The following MUC4 variants were observed in gnomAD, a reference collection of about 807,000 sequenced individuals.
MUC4 encodes the protein mucin 4, cell surface associated, also known as mucin-4.
A neutral mutation model predicts 257.9 loss-of-function variants in MUC4; 202 were observed. The ratio of observed to expected loss-of-function variants is 0.78; its 90% CI spans 0.70 to 0.88. The LOEUF is 0.88. Among genes scored for constraint, MUC4 ranks in the 40% least tolerant of loss-of-function variants. The pLI is 0.00. For synonymous variants in MUC4, 2,351 were observed against 2,757.1 expected, an observed-to-expected ratio of 0.85 and a Z score of 4.62; for missense variants, 5,976 against 6,513.7, an observed-to-expected ratio of 0.92 and a Z score of 2.84.
At chr3:195,804,589 G>A (rs978529748) in intron 1 of MUC4, among the ~76,000 whole-genome samples, 9 of 152,228 alleles carry the variant, frequency 5.9e-5, no homozygotes, top group African/African-American at 1.7e-4. Context: ...AAGCCGTATC[G>A]CCACAGTGTT....
chr3:195,795,364 A>G (rs1398733736), intron 1 of MUC4, among the ~76,000 whole-genome samples: 3 of 152,158 alleles, frequency 2.0e-5, no homozygotes, highest in African/African-American at 4.8e-5. Flanking sequence ...TTTAAAGTAA[A>G]GATTTTTGTA....
chr3:195,751,073 G>A lies in MUC4; in HGVS notation c.15687C>T (p.His5229=), dbSNP rs1288948309. 1.3e-6 allele frequency: 2 copies of A among 1,593,176 alleles called. No individual in the cohort carries two copies. Among genetic ancestry groups the A allele is most frequent in the Non-Finnish European group, 1.7e-6 (2 of 1,167,604 alleles). ...ACTGGAACTCCGAGATGACCATCCA[G>A]TGTTGGATGGGGCTTCCCGAGGCCG... ...AAPASGSPIQ[H]WMVISEFQYR... The change falls in exon 23 of 25, where the codon CAC becomes CAT. Residue 5229 remains histidine (H), a synonymous_variant. Transcript: ENST00000463781.
chr3:195,801,295 C>T (rs866518093), intron 1 of MUC4, among the ~76,000 whole-genome samples: 7 of 152,112 alleles, frequency 4.6e-5, no homozygotes, highest in Non-Finnish European at 8.8e-5. Context: ...GGGAGATTTG[C>T]GCCTAAAGAG....
At chr3:195,801,650 T>G (rs1314466648) in intron 1 of MUC4, among the ~76,000 whole-genome samples, 1 of 152,234 alleles carries the variant, frequency 6.6e-6, no homozygotes, top group East Asian at 1.9e-4. Context: ...CACGCACTGC[T>G]CGCTCTGCCC....
chr3:195,747,591 G>A (rs1452981219), intron 24 of MUC4, among the ~76,000 whole-genome samples: 1 of 152,286 alleles, frequency 6.6e-6, no homozygotes, highest in African/African-American at 2.4e-5. Flanking sequence ...CTGGGCCGGC[G>A]CGGGGGCTCA....
At position 195,781,651 on chromosome 3, in the gene MUC4, G is replaced by A. The variant is rs1447050979; in HGVS notation, c.9929C>T (p.Ala3310Val). Residue 3310 changes from alanine (A) to valine (V), a missense_variant, in exon 2 of 25, where the codon GCC (alanine) becomes GTC (valine). Ala to Val is a moderately conservative substitution (Grantham distance 64). Coordinates refer to ENST00000463781, the MANE Select transcript of MUC4 (RefSeq NM_018406.7). ...AGCGTCGGTGACAAGAAGAGGAGTG[G>A]CGTGACCTGTGGATACTGAGGAAGT... The part of the protein sequence containing the change: ...TETSSVSTGH[A>V]TPLLVTDASS... 2.2e-6 allele frequency: 1 copy of A among 445,976 alleles called. No individual in the cohort carries two copies. Among genetic ancestry groups the A allele is most frequent in the Non-Finnish European group, 3.1e-6 (1 of 320,210 alleles). The allele number at this position is 445,976 out of a possible 1,614,324, so 27.6% of individuals were successfully genotyped here.
In MUC4 at chr3:195,781,010, T is replaced by G. The variant is rs773852351; in HGVS notation, c.10570A>C (p.Thr3524Pro). ...STGHATPLPVTDTSSVSTGHA... is the reference protein window; with the variant it reads ...STGHATPLPVPDTSSVSTGHA... ...CCGGTGGATACTGAGGAAGTGTCGGTGACAGGAAGAGGGGTGGCGTGACCG... is the reference window on the plus strand; with the variant it reads ...CCGGTGGATACTGAGGAAGTGTCGGGGACAGGAAGAGGGGTGGCGTGACCG... Residue 3524 changes from threonine (T) to proline (P), a missense_variant, in exon 2 of 25, where the codon ACC becomes CCC. Around this residue, in one of 44 missense-constraint regions of MUC4, gnomAD observed 297 missense variants for 240.9 expected, o/e 1.23. Transcript: ENST00000463781. 2.6e-6 allele frequency: 4 copies of G among 1,527,114 alleles called. No individual in the cohort carries two copies. Among genetic ancestry groups the G allele is most frequent in the Middle Eastern group, 2.2e-4 (1 of 4,624 alleles). 94.6% of individuals were successfully genotyped at this position (1,527,114 alleles called of 1,614,324 possible).
chr3:195,795,014 G>A lies in MUC4; in HGVS notation c.83-3517C>T, dbSNP rs148698407. Among the ~76,000 whole-genome samples, 324 of 152,270 alleles carry A rather than the reference G, an allele frequency of 2.1e-3. 5 individuals are homozygous for A. The highest frequency in any genetic ancestry group is 7.6e-3 in the African/African-American group (314 of 41,560). On this transcript the variant is annotated intron_variant, in intron 1 of 24. Coordinates refer to ENST00000463781, the MANE Select transcript of MUC4 (RefSeq NM_018406.7). ...AAATGACTCCACTTCAACTTTAAAC[G>A]GAAACTTCCTTTAGTTGGAATTAGG...
Position 195,761,078 on chromosome 3 carries a change from T to A in MUC4, c.14654A>T (p.Asp4885Val). The change falls in exon 16 of 25, where the codon GAC (aspartate) becomes GTC (valine). Residue 4885 changes from aspartate to valine, a missense_variant. Coordinates refer to ENST00000463781, the MANE Select transcript of MUC4 (RefSeq NM_018406.7). ...AGGGGTGAAGTTGGAAGGCAGCTGGTCATTCCTCTTGCCAAGGAGGCCTGT... is the reference window on the plus strand; with the variant it reads ...AGGGGTGAAGTTGGAAGGCAGCTGGACATTCCTCTTGCCAAGGAGGCCTGT... ...NGTGLLGKRNDQLPSNFTPVF... is the reference protein window; with the variant it reads ...NGTGLLGKRNVQLPSNFTPVF... The A allele has an allele frequency of 6.2e-7, 1 of 1,614,206 alleles. No homozygotes were observed. Among genetic ancestry groups the A allele is most frequent in the Non-Finnish European group, 8.5e-7 (1 of 1,180,012 alleles).
chr3:195,790,701 G>T lies in MUC4; in HGVS notation c.879C>A (p.Thr293=). ...GATCAAATGTTACTAAGGCTGCTGA[G>T]GTGACTGGCATAAGACTTCCAGTAA... is the stretch of plus-strand genomic sequence containing the variant. ...VPVTGSLMPV[T]SAALVTFDPE... The change falls in exon 2 of 25, where the codon ACC becomes ACA. Residue 293 remains threonine (T), a synonymous_variant. Transcript: ENST00000463781. The T allele has an allele frequency of 6.2e-7, 1 of 1,613,988 alleles. No homozygotes were observed. Among genetic ancestry groups the T allele is most frequent in the Non-Finnish European group, 8.5e-7 (1 of 1,179,900 alleles).
intron 4 of MUC4, among the ~76,000 whole-genome samples, chr3:195,773,306 CCTCT>C (rs1381615080): frequency 2.1e-5 from 3 of 145,414 alleles, no homozygotes; most frequent in Admixed American, 6.8e-5. Flanking sequence ...GGGGTGGAAA[CCTCT>C]CTCTATCGCT....
rs752078558 is a variant in MUC4, at chr3:195,749,051, C to G, written c.15885G>C (p.Thr5295=). ...VRDVTALNVS[T]LKAYFRCDGY... ...CATCGCATCTGAAGTAAGCCTTCAG[C>G]GTGCTCACGTTCACTGTCGGGAAGG... Residue 5295 remains threonine, a synonymous_variant, in exon 24 of 25, where the codon ACG becomes ACC. Transcript: ENST00000463781. 2.5e-6 allele frequency: 4 copies of G among 1,606,864 alleles called. No homozygotes were observed. The highest frequency in any genetic ancestry group is 3.4e-6 in the Non-Finnish European group (4 of 1,175,782).
intron 7 of MUC4, among the ~76,000 whole-genome samples, chr3:195,768,431 T>TC (rs1393509996): frequency 6.6e-6 from 1 of 152,130 alleles, no homozygotes; most frequent in African/African-American, 2.4e-5. Flanking sequence ...GCCTCCTCTC[T>TC]CCCTTCACCA....
chr3:195,778,481 G>T, intron 2 of MUC4, 26 bp from the exon 3 acceptor site: 1 of 1,608,004 alleles, frequency 6.2e-7, no homozygotes, highest in Middle Eastern at 1.7e-4. Context: ...GACAAGGCGG[G>T]GTGTTTCTTA....
Position 195,762,241 on chromosome 3 carries a change from G to A in MUC4, c.14358C>T (p.Phe4786=), listed in dbSNP as rs780560776. Residue 4786 remains phenylalanine (F), a synonymous_variant, in exon 14 of 25, where the codon TTC becomes TTT. Coordinates refer to ENST00000463781, the MANE Select transcript of MUC4 (RefSeq NM_018406.7). ...DHEDGGGQET[F]NATGVLLSRN... is the part of the protein sequence containing the mutation. ...GGCTCAGGAGGACTCCGGTGGCGTT[G>A]AACGTCTCCTGGCCTGGAGCATCGG... 5.3e-5 allele frequency: 84 copies of A among 1,585,166 alleles called. No homozygotes were observed. Among genetic ancestry groups the A allele is most frequent in the Non-Finnish European group, 6.8e-5 (79 of 1,166,132 alleles).
At chr3:195,754,689 G>A (rs189538030) in intron 18 of MUC4, among the ~76,000 whole-genome samples, 68 of 151,258 alleles carry the variant, frequency 4.5e-4, no homozygotes, top group African/African-American at 1.6e-3. Context: ...GAGTAAGATG[G>A]GGGATGCATG....
Position 195,760,667 on chromosome 3 carries a change from C to G in MUC4, c.14848+217G>C, listed in dbSNP as rs1407594727. Among the ~76,000 whole-genome samples the G allele has an allele frequency of 6.6e-5, 9 of 135,780 alleles. No homozygotes were observed. In the South Asian group the frequency reaches 1.7e-3, roughly 25 times the overall value. 89.1% of individuals were successfully genotyped at this position (135,780 alleles called of 152,430 possible). ...GAGGGGGCTGGGAAGGCGTCCAGCA[C>G]TAGGAGAAGAGCTCTGAGAAGCTGA... On this transcript the variant is annotated intron_variant, in intron 16 of 24. Transcript: ENST00000463781.
In MUC4 at chr3:195,778,545, G is replaced by C. The variant is rs185937172; in HGVS notation, c.12791-90C>G. ...TTCAAAGAAATCAGGAGCTGGAAGA[G>C]GGAGCTGGAAACTCCTTGTCTCTCC... is the stretch of plus-strand genomic sequence containing the variant. On this transcript the variant is annotated intron_variant, in intron 2 of 24. Transcript: ENST00000463781. The C allele has an allele frequency of 3.9e-6, 6 of 1,544,868 alleles. No homozygotes were observed. The East Asian group carries it at 9.1e-5, about 23-fold the overall frequency.
In MUC4 at chr3:195,790,884, T is replaced by G. The variant is rs1250272024; in HGVS notation, c.696A>C (p.Thr232=). The G allele has an allele frequency of 6.2e-7, 1 of 1,614,036 alleles. No homozygotes were observed. Among genetic ancestry groups the G allele is most frequent in the Non-Finnish European group, 8.5e-7 (1 of 1,179,892 alleles). The part of the protein sequence containing the change: ...PSFSPSVHNV[T]GTVSQKTSPS... ...GAGATGTCTTCTGAGAAACAGTCCC[T>G]GTCACATTGTGTACACTTGGAGAGA... is the stretch of plus-strand genomic sequence containing the variant. The change falls in exon 2 of 25, where the codon ACA becomes ACC. Residue 232 remains threonine, a synonymous_variant. Coordinates refer to ENST00000463781, the MANE Select transcript of MUC4 (RefSeq NM_018406.7).
Sources: gnomAD v4.1 joint callset for allele counts (sites outside exome capture counted in the v4.1 genomes callset) on GRCh38, gnomAD v4.1.1 for gene constraint, gnomAD v4.1.1 regional missense constraint, MANE v1.5 for transcripts, NCBI Gene and HGNC (gene_info 2026-07-23, HGNC 2026-07-21) for gene names.